ASXL2: variants seen among roughly 807,000 people sequenced by gnomAD.
ASXL2 encodes putative Polycomb group protein ASXL2.
Under a neutral mutation model 122.0 loss-of-function variants are expected in ASXL2, and 23 were observed. The ratio of observed to expected loss-of-function variants is 0.19; its 90% CI spans 0.14 to 0.27. The LOEUF (loss-of-function observed/expected upper bound fraction) is 0.27, where lower values mean the gene tolerates loss of function less well. Among genes scored for constraint, ASXL2 ranks in the 10% least tolerant of loss-of-function variants. ASXL2 has a pLI of 1.00. For synonymous variants in ASXL2, 650 were observed against 637.0 expected (o/e 1.02, Z -0.31); for missense variants, 1,518 against 1,713.8 (o/e 0.89, Z 2.02).
Position 25,742,327 on chromosome 2 carries a change from G to C in ASXL2, c.4010C>G (p.Ser1337Cys), listed in dbSNP as rs1378436661. 6.2e-7 allele frequency: 1 copy of C among 1,608,220 alleles called. No homozygotes were observed. The highest frequency in any genetic ancestry group is 1.1e-5 in the South Asian group (1 of 90,898). Reference sequence around the variant, plus strand: ...TACAGCAGAGTTATGGTCCATGTCAGATGAGGTGGAGACATTGATCATGCC... The same window carrying C: ...TACAGCAGAGTTATGGTCCATGTCACATGAGGTGGAGACATTGATCATGCC... ...YRGMINVSTSSDMDHNSAVPG... is the reference protein window; with the variant it reads ...YRGMINVSTSCDMDHNSAVPG... The change falls in exon 13 of 13, where the codon TCT becomes TGT. Residue 1337 changes from serine to cysteine, a missense_variant. Physicochemically the swap from Ser to Cys is moderately radical, Grantham distance 112 (BLOSUM62 -1). This residue lies in a region of ASXL2 where 831 missense variants were observed against 833.1 expected (regional missense o/e 1.00). Transcript: ENST00000435504.
chr2:25,777,383 T>C (rs1275271199), intron 5 of ASXL2, among the ~76,000 whole-genome samples: 1 of 152,140 alleles, frequency 6.6e-6, no homozygotes, highest in Admixed American at 6.6e-5. Context: ...CTCACACCTA[T>C]AATCCCGGCA....
At chr2:25,811,471 G>C (rs1425345780) in intron 3 of ASXL2, among the ~76,000 whole-genome samples, 1 of 151,802 alleles carries the variant, frequency 6.6e-6, no homozygotes, top group Non-Finnish European at 1.5e-5. Context: ...GCAGACAAAA[G>C]ATTAATAGTC....
intron 12 of ASXL2, among the ~76,000 whole-genome samples, chr2:25,746,718 C>T (rs546531441): frequency 6.6e-6 from 1 of 152,074 alleles, no homozygotes; most frequent in African/African-American, 2.4e-5. Context: ...TGAAAGGTTT[C>T]GATACCTAAA....
At chr2:25,767,475 T>G in intron 8 of ASXL2, 108 bp downstream of exon 8, 1 of 1,200,896 alleles carries the variant, frequency 8.3e-7, no homozygotes, top group Non-Finnish European at 1.2e-6. Context: ...CTTTGCTATG[T>G]AACTCAAATC....
chr2:25,799,291 C>T (rs2088959744), intron 5 of ASXL2, 94 bp downstream of exon 5: 1 of 1,547,442 alleles, frequency 6.5e-7, no homozygotes, highest in African/African-American at 1.4e-5. Context: ...GGGAAAGTGA[C>T]TGACTGACCT....
intron 2 of ASXL2, among the ~76,000 whole-genome samples, chr2:25,843,280 C>A (rs1341135319): frequency 7.1e-6 from 1 of 140,080 alleles, no homozygotes; most frequent in South Asian, 2.2e-4. Flanking sequence ...CCAGCCTGGG[C>A]GACACAGAGA....
rs556072953 is a variant in ASXL2 at position 25,753,237 on chromosome 2, TTA to T, written c.1142+295_1142+296del. On this transcript the variant is annotated intron_variant, in intron 11 of 12. Coordinates refer to ENST00000435504, the MANE Select transcript of ASXL2 (RefSeq NM_018263.6). Reference sequence around the variant, plus strand: ...GCCTCGGCCTCCCAAAGTGCTGGGGTTATAGTGTGAGCCACTGCGCCCAGCTA... The same window carrying T: ...GCCTCGGCCTCCCAAAGTGCTGGGGTTAGTGTGAGCCACTGCGCCCAGCTA... Among the ~76,000 whole-genome samples, 22 of 132,850 alleles carry T rather than the reference TTA, an allele frequency of 1.7e-4. No individual in the cohort carries two copies. The South Asian group carries it at 4.0e-3, about 24-fold the overall frequency. 87.2% of individuals were successfully genotyped at this position (132,850 alleles called of 152,430 possible). A position where few individuals can be genotyped will look rare whatever the true frequency, so the allele number is the denominator to read the frequency against.
chr2:25,777,476 G>GA (rs200874462), intron 5 of ASXL2, among the ~76,000 whole-genome samples: 3 of 151,012 alleles, frequency 2.0e-5, no homozygotes, highest in Non-Finnish European at 3.0e-5. Flanking sequence ...CCTGTCTCTA[G>GA]AAAAAAAAAT....
At chr2:25,813,992 G>A (rs954174135) in intron 3 of ASXL2, among the ~76,000 whole-genome samples, 12 of 152,174 alleles carry the variant, frequency 7.9e-5, no homozygotes, top group Admixed American at 7.9e-4. Flanking sequence ...GGAGGTTGCA[G>A]TGAGCCAAAA....
chr2:25,783,884 A>C (rs2149163288), intron 5 of ASXL2, among the ~76,000 whole-genome samples: 1 of 151,664 alleles, frequency 6.6e-6, no homozygotes, highest in East Asian at 1.9e-4. Flanking sequence ...TGAAACCCCG[A>C]CTCTACTACA....
At chr2:25,833,516 G>A (rs2089477125) in intron 3 of ASXL2, among the ~76,000 whole-genome samples, 1 of 152,058 alleles carries the variant, frequency 6.6e-6, no homozygotes, top group African/African-American at 2.4e-5. Flanking sequence ...CCAACACAGT[G>A]AAACCCCATC....
At position 25,759,467 on chromosome 2, in the gene ASXL2, A is replaced by G. The variant is rs2088200354; in HGVS notation, c.939+15T>C. ...AACAGCTATTTTTAAAATCTTAAGG[A>G]GTTCAATGACGCACCTGTCGATCTA... On this transcript the variant is annotated intron_variant, in intron 9 of 12. Coordinates refer to ENST00000435504, the MANE Select transcript of ASXL2 (RefSeq NM_018263.6). 1 of 1,610,700 alleles carries G rather than the reference A, an allele frequency of 6.2e-7. No individual in the cohort carries two copies. Among genetic ancestry groups the G allele is most frequent in the Admixed American group, 1.7e-5 (1 of 59,900 alleles).
intron 11 of ASXL2, among the ~76,000 whole-genome samples, chr2:25,751,142 TA>T (rs1247062346): frequency 6.6e-6 from 1 of 152,234 alleles, no homozygotes; most frequent in Non-Finnish European, 1.5e-5. Flanking sequence ...TGACTCTTCT[TA>T]ATGTTTTAGA....
intron 9 of ASXL2, among the ~76,000 whole-genome samples, chr2:25,757,244 C>G (rs183080061): frequency 6.6e-6 from 1 of 151,948 alleles, no homozygotes; most frequent in African/African-American, 2.4e-5. Context: ...TCCACTTAAT[C>G]GAAATTCTAT....
chr2:25,811,030 CCT>C (rs536213152), intron 3 of ASXL2, among the ~76,000 whole-genome samples: 146 of 146,532 alleles, frequency 1.0e-3, no homozygotes, highest in African/African-American at 3.1e-3. Flanking sequence ...CTGAGCAACC[CCT>C]GTCTCTACAA....
intron 3 of ASXL2, among the ~76,000 whole-genome samples, chr2:25,818,143 C>G (rs2089259756): frequency 6.6e-6 from 1 of 152,226 alleles, no homozygotes; most frequent in East Asian, 1.9e-4. Context: ...GATAGAATGG[C>G]TCACCTGTTA....
intron 1 of ASXL2, among the ~76,000 whole-genome samples, chr2:25,870,938 C>A (rs569454444): frequency 2.0e-5 from 3 of 152,002 alleles, no homozygotes; most frequent in Non-Finnish European, 4.4e-5. Flanking sequence ...ACTGACTCAT[C>A]TAGGATTAAC....
chr2:25,845,335 A>T (rs1479583462), intron 2 of ASXL2, 146 bp downstream of exon 2: 4 of 1,336,492 alleles, frequency 3.0e-6, no homozygotes, highest in Middle Eastern at 4.0e-4. Flanking sequence ...GTAATGACTT[A>T]AAAAATGCCA....
intron 1 of ASXL2, among the ~76,000 whole-genome samples, chr2:25,859,188 T>C (rs13422450): frequency 0.75 from 113,799 of 151,710 alleles, 44,176 homozygotes; most frequent in Non-Finnish European, 0.83. Flanking sequence ...TTGATTCTCC[T>C]AACCTAGCCT....
Sources: allele counts gnomAD v4.1 joint callset (sites outside exome capture counted in the v4.1 genomes callset), GRCh38; gene constraint gnomAD v4.1.1; regional missense constraint gnomAD v4.1.1; transcripts MANE v1.5; gene names NCBI Gene and HGNC (gene_info 2026-07-23, HGNC 2026-07-21).